P4HA3: variants seen among roughly 807,000 people sequenced by gnomAD.
P4HA3 encodes the protein prolyl 4-hydroxylase subunit alpha 3.
In P4HA3, 60 loss-of-function variants were observed where a neutral mutation model predicts 66.7. That is an observed-to-expected ratio of 0.90 (90% CI 0.73 to 1.12). The LOEUF (loss-of-function observed/expected upper bound fraction) is 1.12, where lower values mean the gene tolerates loss of function less well. Ranked by LOEUF, P4HA3 falls within the 50% of genes most tolerant of loss-of-function variation. P4HA3 has a pLI of 0.00. For synonymous variants in P4HA3, 263 were observed against 274.6 expected (o/e 0.96, Z 0.42); for missense variants, 683 against 685.8 (o/e 1.00, Z 0.05).
chr11:74,292,971 G>T (rs1412616959), intron 4 of P4HA3, among the ~76,000 whole-genome samples: 1 of 152,188 alleles, frequency 6.6e-6, no homozygotes, highest in Non-Finnish European at 1.5e-5. Flanking sequence ...TCCACTTGGT[G>T]CACAGCTGAG....
rs138922304 is a variant in P4HA3, at chr11:74,279,300, T to C, written c.1175+88A>G. ...ACTAGGGATTCTCCACCTCTGGAGGTCCCTGAATGGCTGTTGCTGACTGGC... is the reference window on the plus strand; with the variant it reads ...ACTAGGGATTCTCCACCTCTGGAGGCCCCTGAATGGCTGTTGCTGACTGGC... On this transcript the variant is annotated intron_variant, in intron 8 of 12. Coordinates refer to ENST00000331597, the MANE Select transcript of P4HA3 (RefSeq NM_182904.5). The C allele has an allele frequency of 2.0e-4, 245 of 1,216,920 alleles. 4 individuals carry two copies. In the East Asian group the frequency reaches 5.3e-3, roughly 26 times the overall value. The allele number at this position is 1,216,920 out of a possible 1,614,324, so 75.4% of individuals were successfully genotyped here.
chr11:74,302,343 A>G (rs111726133), intron 3 of P4HA3, 26 bp downstream of exon 3: 7 of 1,575,742 alleles, frequency 4.4e-6, no homozygotes, highest in Non-Finnish European at 6.1e-6. Context: ...GAGCCAAGCA[A>G]TTGGCCCTCT....
At chr11:74,298,023 TC>T (rs1861282641) in intron 4 of P4HA3, among the ~76,000 whole-genome samples, 188 bp downstream of exon 4, 1 of 152,206 alleles carries the variant, frequency 6.6e-6, no homozygotes, top group South Asian at 2.1e-4. Context: ...AAGTTAATAG[TC>T]TTTTGGAGAT....
intron 15 of P4HA3, among the ~76,000 whole-genome samples, chr11:74,259,122 G>C (rs767973952): frequency 1.3e-5 from 2 of 152,162 alleles, no homozygotes; most frequent in Non-Finnish European, 2.9e-5. Flanking sequence ...CTTTTGGCTG[G>C]GCACGGTGGC....
At chr11:74,276,461 G>A (rs180856031) in intron 9 of P4HA3, among the ~76,000 whole-genome samples, 1 of 152,150 alleles carries the variant, frequency 6.6e-6, no homozygotes, top group African/African-American at 2.4e-5. Flanking sequence ...GCTGAGATGG[G>A]GGGATCACTT....
chr11:74,259,269 C>T (rs1436407445), intron 15 of P4HA3, among the ~76,000 whole-genome samples: 1 of 152,154 alleles, frequency 6.6e-6, no homozygotes, highest in East Asian at 1.9e-4. Context: ...ATCCCAGCTA[C>T]TCAGGAGGCT....
chr11:74,277,099 G>A lies in P4HA3; in HGVS notation c.1221C>T (p.Asn407=), dbSNP rs1278161228. 1 of 1,614,126 alleles carries A rather than the reference G, an allele frequency of 6.2e-7. No homozygotes were observed. Among genetic ancestry groups the A allele is most frequent in the Admixed American group, 1.7e-5 (1 of 59,998 alleles). The stretch of plus-strand genomic sequence containing the variant: ...GGCCTGTGAGGGCAGCAATGCGGTG[G>A]TTGAGGGTCACCAGTTTTGGGTCAA... ...DTVDPKLVTL[N]HRIAALTGLD... The change falls in exon 9 of 13, where the codon AAC becomes AAT. Residue 407 remains asparagine (N), a synonymous_variant. Transcript: ENST00000331597.
intron 1 of P4HA3, among the ~76,000 whole-genome samples, chr11:74,308,135 GA>G (rs1400009573): frequency 6.6e-6 from 1 of 152,032 alleles, no homozygotes; most frequent in Non-Finnish European, 1.5e-5. Flanking sequence ...GAGAGCCTTG[GA>G]AATAGCCTCT....
In P4HA3 at chr11:74,305,130, C is replaced by T. The variant is rs551206884; in HGVS notation, c.201-718G>A. Among the ~76,000 whole-genome samples the T allele has an allele frequency of 6.6e-5, 10 of 152,116 alleles. No individual in the cohort carries two copies. The East Asian group carries it at 1.4e-3, about 21-fold the overall frequency. The stretch of plus-strand genomic sequence containing the variant: ...CTCCTAACAGGCCATGGACTGGTAC[C>T]GGTCCCTGGCCCAGGGGTTGGGGAC... On this transcript the variant is annotated intron_variant, in intron 1 of 12. Transcript: ENST00000331597.
intron 1 of P4HA3, among the ~76,000 whole-genome samples, chr11:74,306,139 G>C (rs964757299): frequency 3.9e-5 from 6 of 152,124 alleles, no homozygotes; most frequent in African/African-American, 1.4e-4. Flanking sequence ...GAATGGACTG[G>C]GTTCAAGGAA....
chr11:74,289,149 A>AG lies in P4HA3; in HGVS notation c.718-20dup. 6.4e-7 allele frequency: 1 copy of AG among 1,554,520 alleles called. No homozygotes were observed. Among genetic ancestry groups the AG allele is most frequent in the Admixed American group, 1.9e-5 (1 of 51,688 alleles). On this transcript the variant is annotated intron_variant, in intron 4 of 12. Coordinates refer to ENST00000331597, the MANE Select transcript of P4HA3 (RefSeq NM_182904.5). The stretch of plus-strand genomic sequence containing the variant: ...TTCCTGCCTGTTAAAAAAAAAAAAA[A>AG]GAAAAGAAAGCATTAACTTCACTGA...
At chr11:74,262,414 C>T (rs1004194796), downstream of P4HA3, among the ~76,000 whole-genome samples, 6 of 151,870 alleles carry the variant, frequency 4.0e-5, no homozygotes, top group Admixed American at 1.3e-4. Flanking sequence ...GGGAAAGAGG[C>T]AGGCTCTGAT....
intron 11 of P4HA3, 117 bp downstream of exon 11, chr11:74,269,535 A>G: frequency 1.0e-6 from 1 of 1,004,326 alleles, no homozygotes; most frequent in Admixed American, 2.5e-5. Flanking sequence ...GAATTGGGGA[A>G]GACCTCTTTT....
intron 15 of P4HA3, among the ~76,000 whole-genome samples, chr11:74,259,479 T>A (rs757426904): frequency 6.6e-6 from 1 of 152,188 alleles, no homozygotes; most frequent in Non-Finnish European, 1.5e-5. Context: ...ATTTTAACCA[T>A]GTGGAAATGA....
intron 4 of P4HA3, among the ~76,000 whole-genome samples, chr11:74,293,467 G>T (rs920524570): frequency 6.6e-6 from 1 of 152,202 alleles, no homozygotes; most frequent in Non-Finnish European, 1.5e-5. Context: ...ATATTGTTAT[G>T]TGTGAATGTG....
At chr11:74,269,893 C>T (rs1011949515) in intron 10 of P4HA3, among the ~76,000 whole-genome samples, 173 bp from the exon 11 acceptor site, 2 of 152,206 alleles carry the variant, frequency 1.3e-5, no homozygotes, top group Non-Finnish European at 2.9e-5. Flanking sequence ...TACTCAATGG[C>T]ATTGGTGTTT....
intron 9 of P4HA3, among the ~76,000 whole-genome samples, chr11:74,275,010 G>C (rs953811786): frequency 1.3e-5 from 2 of 151,700 alleles, no homozygotes; most frequent in Non-Finnish European, 2.9e-5. Context: ...ATAACTTTCT[G>C]TCCATTAAAA....
chr11:74,256,086 G>A, intron 15 of P4HA3: 1 of 396,852 alleles, frequency 2.5e-6, no homozygotes, highest in African/African-American at 2.0e-5. Context: ...GCAACTCTAT[G>A]AGGTAGGTGC....
At chr11:74,276,519 T>C (rs1183629814) in intron 9 of P4HA3, among the ~76,000 whole-genome samples, 1 of 151,782 alleles carries the variant, frequency 6.6e-6, no homozygotes, top group African/African-American at 2.4e-5. Context: ...GCCACTACAC[T>C]GCAGCCTGGG....
Sources: allele counts gnomAD v4.1 joint callset (sites outside exome capture counted in the v4.1 genomes callset), GRCh38; gene constraint gnomAD v4.1.1; transcripts MANE v1.5; gene names NCBI Gene and HGNC (gene_info 2026-07-23, HGNC 2026-07-21).